The following CA1 variants were observed in gnomAD, a reference collection of about 807,000 sequenced individuals.
The protein encoded by CA1 is carbonic anhydrase 1.
CA1 carries 27 observed loss-of-function variants against 28.8 expected under a neutral mutation model. The ratio of observed to expected loss-of-function variants is 0.94; its 90% CI spans 0.69 to 1.29. The LOEUF is 1.29. Among genes scored for constraint, CA1 ranks in the 50% most tolerant of loss-of-function variants. The pLI is 0.00. For synonymous variants in CA1, 121 were observed against 108.8 expected (o/e 1.11, Z -0.70); for missense variants, 335 against 310.5 (o/e 1.08, Z -0.59).
chr8:85,343,178 C>T (rs995259909), intron 1 of CA1: 2 of 152,020 alleles, frequency 1.3e-5, no homozygotes, highest in East Asian at 1.9e-4. Flanking sequence ...GGATCTCTTG[C>T]ACCTAGGAGG....
intron 1 of CA1, among the ~76,000 whole-genome samples, chr8:85,361,130 C>T (rs532811716): frequency 5.3e-5 from 8 of 152,250 alleles, no homozygotes; most frequent in South Asian, 2.1e-4. Flanking sequence ...CTCTGAGGCT[C>T]AGGCCACTGG....
At chr8:85,338,174 C>G in intron 3 of CA1, 78 bp downstream of exon 3, 1 of 1,170,738 alleles carries the variant, frequency 8.5e-7, no homozygotes, top group Non-Finnish European at 1.3e-6. Context: ...GAATGGGTGT[C>G]ATATTTCTCG....
At chr8:85,371,981 T>C (rs1295900426) in intron 1 of CA1, among the ~76,000 whole-genome samples, 1 of 152,134 alleles carries the variant, frequency 6.6e-6, no homozygotes, top group African/African-American at 2.4e-5. Context: ...AGTGAGGAGC[T>C]CATAATGTTG....
Position 85,359,330 on chromosome 8 carries a change from A to G in CA1, c.-24-17671T>C, listed in dbSNP as rs538709032. 5.9e-5 allele frequency among the ~76,000 whole-genome samples: 9 copies of G among 152,296 alleles called. No individual in the cohort carries two copies. The East Asian group carries it at 1.7e-3, about 29-fold the overall frequency. On this transcript the variant is annotated intron_variant, in intron 1 of 7. Coordinates refer to ENST00000523022, the MANE Select transcript of CA1 (RefSeq NM_001128831.4). ...GAGCAGACTTGTTTCTGAGCACATG[A>G]AACATCCAAGAATTAACATGGTGGG...
chr8:85,350,800 A>G (rs1809379274), intron 1 of CA1, among the ~76,000 whole-genome samples: 1 of 152,144 alleles, frequency 6.6e-6, no homozygotes, highest in Admixed American at 6.5e-5. Context: ...GTTAGAATGA[A>G]GCTTATGAAT....
chr8:85,337,642 A>G (rs927606021), intron 3 of CA1, among the ~76,000 whole-genome samples: 1 of 152,190 alleles, frequency 6.6e-6, no homozygotes, highest in East Asian at 1.9e-4. Context: ...TGCATATAAT[A>G]CCAGACCTAA....
chr8:85,336,933 A>C lies in CA1; in HGVS notation c.354+12T>G. 1 of 1,499,412 alleles carries C rather than the reference A, an allele frequency of 6.7e-7. No homozygotes were observed. Among genetic ancestry groups the C allele is most frequent in the South Asian group, 1.1e-5 (1 of 88,762 alleles). 92.9% of individuals were successfully genotyped at this position (1,499,412 alleles called of 1,614,324 possible). On this transcript the variant is annotated intron_variant, in intron 4 of 7. Coordinates refer to ENST00000523022, the MANE Select transcript of CA1 (RefSeq NM_001128831.4). Reference sequence around the variant, plus strand: ...TCAGGGTAATTATCTCTCACTTACTAAATTACATTACCTCGGCAGAATATT... The same window carrying C: ...TCAGGGTAATTATCTCTCACTTACTCAATTACATTACCTCGGCAGAATATT...
chr8:85,329,815 G>T lies in CA1; in HGVS notation c.543C>A (p.Asp181Glu). The change falls in exon 7 of 8, where the codon GAC (aspartate) becomes GAA (glutamate). Residue 181 changes from aspartate (D) to glutamate (E), a missense_variant. Asp to Glu is a conservative substitution (Grantham distance 45, BLOSUM62 2). Coordinates refer to ENST00000523022, the MANE Select transcript of CA1 (RefSeq NM_001128831.4). ...GGGATGAAGGAAGGAGAGTAGAGGGGTCAAAATTTGTGAATGGGGCTCGTT... is the reference window on the plus strand; with the variant it reads ...GGGATGAAGGAAGGAGAGTAGAGGGTTCAAAATTTGTGAATGGGGCTCGTT... ...KGKRAPFTNFDPSTLLPSSLD... is the reference protein window; with the variant it reads ...KGKRAPFTNFEPSTLLPSSLD... The T allele has an allele frequency of 6.3e-7, 1 of 1,597,954 alleles. No individual in the cohort carries two copies. The highest frequency in any genetic ancestry group is 8.5e-7 in the Non-Finnish European group (1 of 1,170,594).
intron 1 of CA1, among the ~76,000 whole-genome samples, chr8:85,375,826 A>G (rs1306475640): frequency 6.6e-6 from 1 of 152,228 alleles, no homozygotes; most frequent in Admixed American, 6.5e-5. Context: ...ATGCAAATGT[A>G]GGTAATATTC....
intron 6 of CA1, among the ~76,000 whole-genome samples, chr8:85,331,927 G>T (rs1015428242): frequency 6.6e-6 from 1 of 151,908 alleles, no homozygotes; most frequent in Non-Finnish European, 1.5e-5. Flanking sequence ...TCTAGAATCA[G>T]CATAAATCAG....
In CA1 at chr8:85,339,011, C is replaced by T. The variant is rs549571856; in HGVS notation, c.38-562G>A. ...GATTACAAGCATGAGCCACTGCACCCGGCCCCTTTTCTATATTGTACTATA... is the reference window on the plus strand; with the variant it reads ...GATTACAAGCATGAGCCACTGCACCTGGCCCCTTTTCTATATTGTACTATA... On this transcript the variant is annotated intron_variant, in intron 2 of 7. Transcript: ENST00000523022. 5.9e-5 allele frequency among the ~76,000 whole-genome samples: 9 copies of T among 152,104 alleles called. No individual in the cohort carries two copies. The South Asian group carries it at 8.3e-4, about 14-fold the overall frequency.
chr8:85,344,833 CA>C (rs1239951884), intron 1 of CA1, among the ~76,000 whole-genome samples: 6 of 152,140 alleles, frequency 3.9e-5, no homozygotes, highest in Non-Finnish European at 8.8e-5. Context: ...TAGAGTTCCA[CA>C]ACAATAAGTG....
Position 85,337,720 on chromosome 8 carries a change from T to G in CA1, c.235+532A>C, listed in dbSNP as rs78503639. ...TAGGCCTCAGAAACTCATAAACAAA[T>G]TTAGCATTTTAAATCAGTAGAACTG... On this transcript the variant is annotated intron_variant, in intron 3 of 7. Transcript: ENST00000523022. 9.3e-3 allele frequency among the ~76,000 whole-genome samples: 1,422 copies of G among 152,278 alleles called. 18 individuals are homozygous for G. Among genetic ancestry groups the G allele is most frequent in the East Asian group, 0.063 (326 of 5,192 alleles).
intron 1 of CA1, among the ~76,000 whole-genome samples, chr8:85,361,184 A>G (rs1809780523): frequency 1.3e-5 from 2 of 152,270 alleles, no homozygotes; most frequent in Middle Eastern, 3.4e-3. Flanking sequence ...AGACACTCTC[A>G]AGGGAGCTGA....
chr8:85,340,556 T>C (rs1808872361), intron 2 of CA1, among the ~76,000 whole-genome samples: 1 of 152,200 alleles, frequency 6.6e-6, no homozygotes, highest in African/African-American at 2.4e-5. Flanking sequence ...AGGAGTAATT[T>C]CAACTTTCAA....
At chr8:85,356,383 G>A (rs1809606970) in intron 1 of CA1, among the ~76,000 whole-genome samples, 2 of 151,998 alleles carry the variant, frequency 1.3e-5, no homozygotes, top group Non-Finnish European at 2.9e-5. Flanking sequence ...CTCAGTGAAT[G>A]GCAACTTTCC....
chr8:85,342,274 A>G (rs1193024156), intron 1 of CA1, among the ~76,000 whole-genome samples: 1 of 152,176 alleles, frequency 6.6e-6, no homozygotes, highest in African/African-American at 2.4e-5. Context: ...TTAAAGTTAA[A>G]TATAACACAA....
chr8:85,371,764 G>C (rs1316232423), intron 1 of CA1, among the ~76,000 whole-genome samples: 4 of 152,194 alleles, frequency 2.6e-5, no homozygotes, highest in Non-Finnish European at 4.4e-5. Context: ...ATAAAGACTG[G>C]ATTGCACTCA....
At chr8:85,342,005 A>G (rs1233182662) in intron 1 of CA1, among the ~76,000 whole-genome samples, 1 of 152,182 alleles carries the variant, frequency 6.6e-6, no homozygotes, top group African/African-American at 2.4e-5. Context: ...AATACTTTGT[A>G]CACTCAAGAT....
Sources: gnomAD v4.1 joint callset for allele counts (sites outside exome capture counted in the v4.1 genomes callset) on GRCh38, gnomAD v4.1.1 for gene constraint, MANE v1.5 for transcripts, NCBI Gene and HGNC (gene_info 2026-07-23, HGNC 2026-07-21) for gene names.